Variants in DYNC2I1 observed in about 807,000 individuals in gnomAD.
DYNC2I1 encodes the protein dynein 2 intermediate chain 1, also known as cytoplasmic dynein 2 intermediate chain 1.
A neutral mutation model predicts 133.4 loss-of-function variants in DYNC2I1; 89 were observed. The observed-to-expected ratio is 0.67, with a 90% CI of 0.56 to 0.80. The LOEUF (loss-of-function observed/expected upper bound fraction) is 0.80. Ranked by LOEUF, DYNC2I1 falls within the 30% of genes least tolerant of loss-of-function variation. DYNC2I1 has a pLI of 0.00. For synonymous variants in DYNC2I1, 504 were observed against 484.3 expected (o/e 1.04, Z -0.54); for missense variants, 1,291 against 1,314.5 (o/e 0.98, Z 0.28).
At position 158,944,187 on chromosome 7, in the gene DYNC2I1, C is replaced by T. The variant is rs187290346; in HGVS notation, c.3003-1394C>T. On this transcript the variant is annotated intron_variant, in intron 24 of 24. Coordinates refer to ENST00000407559, the MANE Select transcript of DYNC2I1 (RefSeq NM_018051.5). ...TGAGAAGCAGGTTGGCTGTGGGGAA[C>T]AGGCAGGGCCCTCAGGGCCAGCACG... 4.0e-4 allele frequency among the ~76,000 whole-genome samples: 61 copies of T among 152,304 alleles called. No homozygotes were observed. In the East Asian group the frequency reaches 0.01, roughly 25 times the overall value.
intron 7 of DYNC2I1, among the ~76,000 whole-genome samples, chr7:158,890,279 T>C (rs1845071569): frequency 6.6e-6 from 1 of 152,174 alleles, no homozygotes; most frequent in African/African-American, 2.4e-5. Flanking sequence ...ATAAAAATTA[T>C]CAGTGAGGTA....
intron 4 of DYNC2I1, among the ~76,000 whole-genome samples, chr7:158,952,416 A>C (rs987639785): frequency 1.3e-5 from 2 of 152,178 alleles, no homozygotes; most frequent in Non-Finnish European, 2.9e-5. Flanking sequence ...AAGGGGGTGC[A>C]AGAAGCTTCC....
rs981197069 is a variant in DYNC2I1 at position 158,945,548 on chromosome 7, A to G, written c.3003-33A>G. 11 of 1,574,242 alleles carry G rather than the reference A, an allele frequency of 7.0e-6. No homozygotes were observed. The Admixed American group carries it at 7.4e-5, about 11-fold the overall frequency. ...CAGAACCGAATGTCCCTTTGTGTGC[A>G]CTGACCCTCTGCTTCTGCCCCTCTC... On this transcript the variant is annotated intron_variant, in intron 24 of 24. Coordinates refer to ENST00000407559, the MANE Select transcript of DYNC2I1 (RefSeq NM_018051.5). The surrounding 1 kb of genome is among the most constrained non-coding windows in gnomAD (Gnocchi z 4.1).
intron 11 of DYNC2I1, among the ~76,000 whole-genome samples, chr7:158,908,414 C>A (rs1036311369): frequency 7.2e-5 from 11 of 151,974 alleles, no homozygotes; most frequent in African/African-American, 1.9e-4. Context: ...CTGCAAGGTA[C>A]AATTGTCTGT....
At chr7:158,903,405 G>C (rs927161083) in intron 10 of DYNC2I1, 1 of 152,126 alleles carries the variant, frequency 6.6e-6, no homozygotes, top group African/African-American at 2.4e-5. Flanking sequence ...ACTATTTGAT[G>C]ACGTACTACT....
chr7:158,877,737 G>T (rs937580627), intron 4 of DYNC2I1, among the ~76,000 whole-genome samples: 2 of 151,946 alleles, frequency 1.3e-5, no homozygotes, highest in African/African-American at 4.8e-5. Flanking sequence ...GTCTTGCTCT[G>T]TCACCCAGGT....
intron 8 of DYNC2I1, among the ~76,000 whole-genome samples, chr7:158,892,643 C>T (rs1308780084): frequency 6.6e-6 from 1 of 151,622 alleles, no homozygotes; most frequent in African/African-American, 2.4e-5. Flanking sequence ...TTTTAAGTTT[C>T]CATCAAAATT....
chr7:158,859,909 A>C (rs937290576), intron 1 of DYNC2I1, among the ~76,000 whole-genome samples: 6 of 152,158 alleles, frequency 3.9e-5, no homozygotes, highest in South Asian at 2.1e-4. Context: ...TAGGAAGTTA[A>C]CCCATGGGTC....
rs183753231 is a variant in DYNC2I1, at chr7:158,878,293, C to T, written c.574-1391C>T. Among the ~76,000 whole-genome samples the T allele has an allele frequency of 2.8e-3, 387 of 137,244 alleles. 2 individuals are homozygous for T. Among genetic ancestry groups the T allele is most frequent in the Admixed American group, 0.024 (325 of 13,682 alleles). The allele number at this position is 137,244 out of a possible 152,430, so 90.0% of individuals were successfully genotyped here. A position where few individuals can be genotyped will look rare whatever the true frequency, so the allele number is the denominator to read the frequency against. Reference sequence around the variant, plus strand: ...AGGCCAGGAGGGCCGACTGTGAGTGCTGGGCACCATGTGGGGATGCCAGGA... The same window carrying T: ...AGGCCAGGAGGGCCGACTGTGAGTGTTGGGCACCATGTGGGGATGCCAGGA... On this transcript the variant is annotated intron_variant, in intron 4 of 24. Transcript: ENST00000407559.
chr7:158,861,523 T>C (rs1841868812), intron 1 of DYNC2I1, among the ~76,000 whole-genome samples: 1 of 152,208 alleles, frequency 6.6e-6, no homozygotes, highest in African/African-American at 2.4e-5. Context: ...CCCACACTTC[T>C]CATCTGTCAG....
At chr7:158,889,436 A>G (rs842683) in intron 7 of DYNC2I1, among the ~76,000 whole-genome samples, 2 of 152,010 alleles carry the variant, frequency 1.3e-5, no homozygotes, top group East Asian at 3.9e-4. Flanking sequence ...GACGATATAG[A>G]TCTACCGCAT....
intron 4 of DYNC2I1, among the ~76,000 whole-genome samples, chr7:158,956,128 C>T (rs868121914): frequency 6.6e-6 from 1 of 152,190 alleles, no homozygotes. Flanking sequence ...GACCGGGAGG[C>T]GGCCAGAAGT....
rs1169261161 is a variant in DYNC2I1 at position 158,879,796 on chromosome 7, A to T, written c.686A>T (p.Glu229Val). Reference protein sequence around the residue: ...REPDRDNKHREKSSTREKREK... With the variant: ...REPDRDNKHRVKSSTREKREK... Reference sequence around the variant, plus strand: ...CCAGATCGAGACAACAAACACCGAGAAAAAAGCAGCACAAGGGAAAAAAGA... The same window carrying T: ...CCAGATCGAGACAACAAACACCGAGTAAAAAGCAGCACAAGGGAAAAAAGA... Residue 229 changes from glutamate (E) to valine (V), a missense_variant, in exon 5 of 25, where the codon GAA (glutamate) becomes GTA (valine). Transcript: ENST00000407559. 2.5e-6 allele frequency: 4 copies of T among 1,612,394 alleles called. No homozygotes were observed. Among genetic ancestry groups the T allele is most frequent in the Non-Finnish European group, 2.5e-6 (3 of 1,179,270 alleles).
chr7:158,915,428 C>T (rs796216382), intron 14 of DYNC2I1, among the ~76,000 whole-genome samples: 17 of 140,626 alleles, frequency 1.2e-4, no homozygotes, highest in African/African-American at 1.9e-4. Flanking sequence ...AACGTCGACA[C>T]GCTGGTTGAG....
At position 158,902,526 on chromosome 7, in the gene DYNC2I1, A is replaced by G; in HGVS notation, c.1288A>G (p.Ile430Val). The G allele has an allele frequency of 1.2e-6, 2 of 1,614,050 alleles. No individual in the cohort carries two copies. Among genetic ancestry groups the G allele is most frequent in the Non-Finnish European group, 1.7e-6 (2 of 1,179,900 alleles). ...QRAINAENER[I>V]GELSLKLFQK... is the part of the protein sequence containing the mutation. ...AGCTATTAATGCAGAAAATGAAAGG[A>G]TTGGCGAGTTATCTTTGAAACTGTT... The change falls in exon 10 of 25, where the codon ATT becomes GTT. Residue 430 changes from isoleucine to valine, a missense_variant. Ile to Val is a conservative substitution (Grantham distance 29, BLOSUM62 3). Coordinates refer to ENST00000407559, the MANE Select transcript of DYNC2I1 (RefSeq NM_018051.5).
At chr7:158,883,546 A>G (rs1844269391) in intron 5 of DYNC2I1, among the ~76,000 whole-genome samples, 1 of 151,566 alleles carries the variant, frequency 6.6e-6, no homozygotes. Flanking sequence ...CATGATTTTA[A>G]TTAGAATGAT....
At position 158,879,934 on chromosome 7, in the gene DYNC2I1, A is replaced by G; in HGVS notation, c.824A>G (p.Asn275Ser). 6.2e-7 allele frequency: 1 copy of G among 1,609,014 alleles called. No individual in the cohort carries two copies. Among genetic ancestry groups the G allele is most frequent in the East Asian group, 2.2e-5 (1 of 44,862 alleles). Residue 275 changes from asparagine to serine, a missense_variant, in exon 5 of 25, where the codon AAC (asparagine) becomes AGC (serine). Asn to Ser is a conservative substitution (Grantham distance 46). Coordinates refer to ENST00000407559, the MANE Select transcript of DYNC2I1 (RefSeq NM_018051.5). ...TTTGATGATGAGAGGCACCAAAGCA[A>G]CGTGGATAGAAAAGAGAAATCGGCA... is the stretch of plus-strand genomic sequence containing the variant. ...FHFDDERHQS[N>S]VDRKEKSAKD...
At chr7:158,926,336 A>T in intron 18 of DYNC2I1, 36 bp downstream of exon 18, 1 of 1,602,186 alleles carries the variant, frequency 6.2e-7, no homozygotes, top group Non-Finnish European at 8.5e-7. Context: ...ATCCTTCATC[A>T]ATGGTTGTGA....
rs1847770463 is a variant in DYNC2I1 at position 158,914,119 on chromosome 7, TCCTTCTGGGACTC to T, written c.1703-113_1703-101del. 3.8e-6 allele frequency: 3 copies of T among 787,548 alleles called. No homozygotes were observed. The East Asian group carries it at 8.2e-5, about 22-fold the overall frequency. The allele number at this position is 787,548 out of a possible 1,614,324, so 48.8% of individuals were successfully genotyped here. A position where few individuals can be genotyped will look rare whatever the true frequency, so the allele number is the denominator to read the frequency against. On this transcript the variant is annotated intron_variant, in intron 13 of 24. Transcript: ENST00000407559. ...GTATAGCTTGAAGTTTTCTGTCTTT[TCCTTCTGGGACTC>T]TTAATGTTGATTTGTTAGGCCTGTT...
Sources: allele counts gnomAD v4.1 joint callset (sites outside exome capture counted in the v4.1 genomes callset), GRCh38; gene constraint gnomAD v4.1.1; non-coding constraint Gnocchi (gnomAD v3.1); transcripts MANE v1.5; gene names NCBI Gene and HGNC (gene_info 2026-07-23, HGNC 2026-07-21).